Variants in RBFOX1 observed in about 807,000 individuals in gnomAD.
RBFOX1 encodes RNA binding protein fox-1 homolog 1.
Under a neutral mutation model 57.7 loss-of-function variants are expected in RBFOX1, and 8 were observed. The ratio of observed to expected loss-of-function variants is 0.14; its 90% CI spans 0.08 to 0.25. The LOEUF is 0.25. Ranked by LOEUF, RBFOX1 falls within the 10% of genes least tolerant of loss-of-function variation. The pLI is 1.00. For synonymous variants in RBFOX1, 326 were observed against 222.4 expected, an observed-to-expected ratio of 1.47 and a Z score of -4.15; for missense variants, 611 against 548.5, an observed-to-expected ratio of 1.11 and a Z score of -1.14.
intron 2 of RBFOX1, among the ~76,000 whole-genome samples, chr16:5,499,932 T>C (rs17137957): frequency 0.25 from 37,735 of 152,134 alleles, 7,773 homozygotes; most frequent in African/African-American, 0.57. Flanking sequence ...ACATTTCAAT[T>C]TTTCATTCAG....
intron 3 of RBFOX1, among the ~76,000 whole-genome samples, chr16:6,986,115 TA>T (rs1390447766): frequency 7.3e-5 from 11 of 151,470 alleles, no homozygotes; most frequent in African/African-American, 2.7e-4. Flanking sequence ...TGAAAAATTC[TA>T]AACATGAAAA....
chr16:5,632,158 A>G (rs2048531352), intron 3 of RBFOX1, among the ~76,000 whole-genome samples: 1 of 152,234 alleles, frequency 6.6e-6, no homozygotes, highest in Non-Finnish European at 1.5e-5. Context: ...AAGCTACTTC[A>G]TATGGTACCT....
intron 5 of RBFOX1, among the ~76,000 whole-genome samples, chr16:7,545,582 G>T (rs930230405): frequency 2.0e-5 from 3 of 152,168 alleles, no homozygotes; most frequent in Admixed American, 1.3e-4. Context: ...TACTGCGGCT[G>T]TTTTACTGAA....
intron 4 of RBFOX1, among the ~76,000 whole-genome samples, chr16:7,252,998 GC>G (rs2094548954): frequency 6.6e-6 from 1 of 152,112 alleles, no homozygotes; most frequent in African/African-American, 2.4e-5. Flanking sequence ...AGCATCTTGA[GC>G]CTCTGATAAT....
At chr16:6,880,728 G>C (rs944655477) in intron 3 of RBFOX1, among the ~76,000 whole-genome samples, 5 of 152,132 alleles carry the variant, frequency 3.3e-5, no homozygotes, top group Middle Eastern at 3.2e-3. Context: ...CTTGGACGAT[G>C]ATTATTTTAT....
chr16:7,317,957 AGGTGATGGT>A (rs995924134), intron 4 of RBFOX1, among the ~76,000 whole-genome samples: 1 of 152,036 alleles, frequency 6.6e-6, no homozygotes, highest in South Asian at 2.1e-4. Flanking sequence ...TTGATGCTGG[AGGTGATGGT>A]GGTGATGGTG....
intron 2 of RBFOX1, among the ~76,000 whole-genome samples, chr16:6,499,385 AAG>A: frequency 6.6e-6 from 1 of 152,320 alleles, no homozygotes; most frequent in African/African-American, 2.4e-5. Flanking sequence ...GTAAAAAAAA[AAG>A]GTATGAAAAA....
At position 6,951,176 on chromosome 16, in the gene RBFOX1, G is replaced by A. The variant is rs561325010; in HGVS notation, c.-15-100881G>A. 9.1e-4 allele frequency among the ~76,000 whole-genome samples: 139 copies of A among 152,146 alleles called. 1 individual carries two copies. The highest frequency in any genetic ancestry group is 3.3e-3 in the African/African-American group (136 of 41,506). On this transcript the variant is annotated intron_variant, in intron 3 of 15. Coordinates refer to ENST00000550418, the MANE Select transcript of RBFOX1 (RefSeq NM_018723.4). ...CCAGCATCAGCTTCCCAAAGTGTTGGGATTATAGGTGTGAGCCAACAGGCC... is the reference window on the plus strand; with the variant it reads ...CCAGCATCAGCTTCCCAAAGTGTTGAGATTATAGGTGTGAGCCAACAGGCC...
chr16:6,423,341 G>C (rs1411668216), intron 2 of RBFOX1, among the ~76,000 whole-genome samples: 1 of 152,204 alleles, frequency 6.6e-6, no homozygotes, highest in East Asian at 1.9e-4. Context: ...GCTCAGGCCT[G>C]TAATCCCAGC....
In RBFOX1 at chr16:6,099,800, G is replaced by C. The variant is rs563227363; in HGVS notation, c.-127+79808G>C. On this transcript the variant is annotated intron_variant, in intron 1 of 15. Transcript: ENST00000550418. ...TAAAATAAACCCTAACCCAACTCCG[G>C]GCATCCTTCCCTTTTCTCAAAGACC... Among the ~76,000 whole-genome samples, 17 of 152,174 alleles carry C rather than the reference G, an allele frequency of 1.1e-4. No homozygotes were observed. In the East Asian group the frequency reaches 3.1e-3, roughly 28 times the overall value.
At chr16:7,153,142 A>G (rs1045733599) in intron 4 of RBFOX1, among the ~76,000 whole-genome samples, 1 of 152,118 alleles carries the variant, frequency 6.6e-6, no homozygotes, top group Admixed American at 6.5e-5. Context: ...GCAGCTGAAT[A>G]TCCTCCTTTC....
intron 4 of RBFOX1, among the ~76,000 whole-genome samples, chr16:5,901,956 C>G (rs1005420881): frequency 6.6e-6 from 1 of 152,184 alleles, no homozygotes; most frequent in African/African-American, 2.4e-5. Flanking sequence ...TATCCTACGT[C>G]TAAACTCTCA....
intron 2 of RBFOX1, among the ~76,000 whole-genome samples, chr16:5,468,999 C>T (rs8056334): frequency 0.16 from 24,417 of 152,172 alleles, 2,143 homozygotes; most frequent in African/African-American, 0.2. Flanking sequence ...GGTGTCTGCC[C>T]GTGCTGTGGT....
At chr16:7,541,885 C>T (rs900930418) in intron 5 of RBFOX1, among the ~76,000 whole-genome samples, 6 of 152,194 alleles carry the variant, frequency 3.9e-5, no homozygotes, top group Non-Finnish European at 8.8e-5. Flanking sequence ...AGGCCATTCA[C>T]AAGCCACATG....
At chr16:6,142,031 C>T (rs1166846148) in intron 1 of RBFOX1, among the ~76,000 whole-genome samples, 1 of 143,510 alleles carries the variant, frequency 7.0e-6, no homozygotes, top group Non-Finnish European at 1.6e-5. Flanking sequence ...TGCAGTCCAG[C>T]CTGGGTGAGC....
At position 7,567,593 on chromosome 16, in the gene RBFOX1, CTATATATATATCCCTTTATATGGCCCTA is replaced by C. The variant is rs1567868467; in HGVS notation, c.271-12172_271-12145del. Among the ~76,000 whole-genome samples the C allele has an allele frequency of 4.4e-4, 41 of 92,888 alleles. 4 individuals are homozygous for C. Among genetic ancestry groups the C allele is most frequent in the African/African-American group, 1.4e-3 (37 of 25,718 alleles). 60.9% of individuals were successfully genotyped at this position (92,888 alleles called of 152,430 possible). A position where few individuals can be genotyped will look rare whatever the true frequency, so the allele number is the denominator to read the frequency against. ...TATATATATATCCCTATATATGGCC[CTATATATATATCCCTTTATATGGCCCTA>C]TATATATATATATATCCCTATATAT... On this transcript the variant is annotated intron_variant, in intron 5 of 15. Transcript: ENST00000550418.
At chr16:6,245,833 G>C (rs1276372451) in intron 1 of RBFOX1, among the ~76,000 whole-genome samples, 5 of 152,140 alleles carry the variant, frequency 3.3e-5, no homozygotes, top group Non-Finnish European at 7.3e-5. Flanking sequence ...TCCATTCCTT[G>C]GTCATTCCCT....
chr16:7,363,730 A>G (rs1203601078), intron 4 of RBFOX1, among the ~76,000 whole-genome samples: 1 of 152,100 alleles, frequency 6.6e-6, no homozygotes, highest in Non-Finnish European at 1.5e-5. Flanking sequence ...GGCTAAGTAC[A>G]TTTTATGGAG....
intron 4 of RBFOX1, among the ~76,000 whole-genome samples, chr16:7,436,471 G>A (rs926748008): frequency 6.6e-6 from 1 of 152,168 alleles, no homozygotes; most frequent in African/African-American, 2.4e-5. Flanking sequence ...AAACACAGGT[G>A]GAGACATGTG....
Sources: gnomAD v4.1 joint callset for allele counts (sites outside exome capture counted in the v4.1 genomes callset) on GRCh38, gnomAD v4.1.1 for gene constraint, MANE v1.5 for transcripts, NCBI Gene and HGNC (gene_info 2026-07-23, HGNC 2026-07-21) for gene names.